Variants in TMED3 observed in about 807,000 individuals in gnomAD.
The protein encoded by TMED3 is transmembrane emp24 domain-containing protein 3.
A neutral mutation model predicts 15.0 loss-of-function variants in TMED3; 9 were observed. That is an observed-to-expected ratio of 0.60 (90% CI 0.36 to 1.04). The LOEUF (loss-of-function observed/expected upper bound fraction) is 1.04, where lower values mean the gene tolerates loss of function less well. Among genes scored for constraint, TMED3 ranks in the 50% least tolerant of loss-of-function variants. TMED3 has a pLI of 0.01. For missense variants in TMED3, 267 were observed against 278.9 expected (o/e 0.96, Z 0.30); for synonymous variants, 117 against 121.4 (o/e 0.96, Z 0.24).
At chr15:79,364,679 G>A (rs1274993107) in intron 2 of TMED3, among the ~76,000 whole-genome samples, 1 of 151,834 alleles carries the variant, frequency 6.6e-6, no homozygotes, top group Non-Finnish European at 1.5e-5. Flanking sequence ...CAGAGAAAGA[G>A]AGAAGAGGAG....
intron 2 of TMED3, among the ~76,000 whole-genome samples, chr15:79,405,686 T>C (rs1359453180): frequency 6.6e-6 from 1 of 152,192 alleles, no homozygotes; most frequent in East Asian, 1.9e-4. Context: ...GCAGTATGTA[T>C]TTTCCTTGGG....
chr15:79,360,367 C>G lies in TMED3; in HGVS notation c.417+46362C>G, dbSNP rs917387492. Among the ~76,000 whole-genome samples, 27 of 152,094 alleles carry G rather than the reference C, an allele frequency of 1.8e-4. 1 individual carries two copies. The highest frequency in any genetic ancestry group is 6.0e-4 in the African/African-American group (25 of 41,414). On this transcript the variant is annotated intron_variant, in intron 2 of 2. Transcript: ENST00000424155. ...TAGACTTGGTCATGCCATCGAGGAACCAGGGGTGTTTAGGTGGGGAAGCAC... is the reference window on the plus strand; with the variant it reads ...TAGACTTGGTCATGCCATCGAGGAAGCAGGGGTGTTTAGGTGGGGAAGCAC...
intron 1 of TMED3, among the ~76,000 whole-genome samples, chr15:79,311,999 A>G (rs144453475): frequency 1.2e-3 from 185 of 152,362 alleles, no homozygotes; most frequent in Non-Finnish European, 2.3e-3. Flanking sequence ...GGCTCTTGCC[A>G]TATGGCTTAG....
At chr15:79,403,082 T>G (rs1893855679) in intron 2 of TMED3, among the ~76,000 whole-genome samples, 1 of 149,148 alleles carries the variant, frequency 6.7e-6, no homozygotes, top group African/African-American at 2.5e-5. Context: ...GTCAGCCAGG[T>G]GTGGTGGTGC....
intron 2 of TMED3, among the ~76,000 whole-genome samples, chr15:79,363,369 T>TA (rs1322195959): frequency 2.0e-5 from 3 of 152,034 alleles, no homozygotes; most frequent in Non-Finnish European, 4.4e-5. Context: ...ATATCAAATA[T>TA]AAAAAATGAC....
At chr15:79,342,621 G>T (rs2058855540) in intron 2 of TMED3, among the ~76,000 whole-genome samples, 1 of 152,108 alleles carries the variant, frequency 6.6e-6, no homozygotes, top group African/African-American at 2.4e-5. Context: ...GGTAAAGCAT[G>T]CACACAAACA....
rs1453259462 is a variant in TMED3 at position 79,311,304 on chromosome 15, C to T, written c.55C>T (p.Arg19Cys). 3.1e-6 allele frequency: 5 copies of T among 1,607,152 alleles called. No homozygotes were observed. The African/African-American group carries it at 5.4e-5, about 17-fold the overall frequency. ...ASVLLLLLLL[R>C]RAEQPCGAEL... ...CGTGCTGCTTCTGCTGCTGCTCCTG[C>T]GCCGGGCCGAGCAGCCCTGCGGGGC... The change falls in exon 1 of 3, where the codon CGC becomes TGC. Residue 19 changes from arginine to cysteine, a missense_variant. By Grantham distance (180) the Arg-to-Cys change is radical. Transcript: ENST00000299705.
At chr15:79,355,122 C>G (rs950666953) in intron 2 of TMED3, among the ~76,000 whole-genome samples, 6 of 152,148 alleles carry the variant, frequency 3.9e-5, no homozygotes, top group Non-Finnish European at 5.9e-5. Flanking sequence ...TATTGAGAAC[C>G]CCAGATGCTT....
intron 2 of TMED3, among the ~76,000 whole-genome samples, chr15:79,375,952 T>C (rs1169405884): frequency 6.6e-6 from 1 of 152,186 alleles, no homozygotes; most frequent in Non-Finnish European, 1.5e-5. Context: ...GGCAAAAATA[T>C]GGCAGCCCTA....
At chr15:79,320,128 A>G (rs1340605014) in intron 2 of TMED3, among the ~76,000 whole-genome samples, 1 of 152,158 alleles carries the variant, frequency 6.6e-6, no homozygotes, top group Non-Finnish European at 1.5e-5. Context: ...CCGCTAGACC[A>G]CAGTCCACTT....
At chr15:79,386,704 A>AATT (rs1893630991) in intron 2 of TMED3, among the ~76,000 whole-genome samples, 3 of 125,182 alleles carry the variant, frequency 2.4e-5, no homozygotes, top group Non-Finnish European at 4.9e-5. Flanking sequence ...ATGCCTGGCT[A>AATT]TTTTTTTTTT....
chr15:79,405,953 T>A (rs1893897693), intron 2 of TMED3, among the ~76,000 whole-genome samples: 1 of 152,220 alleles, frequency 6.6e-6, no homozygotes, highest in African/African-American at 2.4e-5. Flanking sequence ...GCCAGCTCAA[T>A]AGCCACAGTC....
intron 2 of TMED3, among the ~76,000 whole-genome samples, chr15:79,318,077 A>G (rs561804501): frequency 6.6e-6 from 1 of 152,080 alleles, no homozygotes; most frequent in Non-Finnish European, 1.5e-5. Context: ...CAGGCCCTGT[A>G]CAGTTCTTTG....
intron 2 of TMED3, among the ~76,000 whole-genome samples, chr15:79,360,054 C>T (rs1893094015): frequency 6.6e-6 from 1 of 152,190 alleles, no homozygotes; most frequent in African/African-American, 2.4e-5. Flanking sequence ...AATCCAATCT[C>T]AATTGTTAGT....
rs115919839 is a variant in TMED3 at position 79,365,227 on chromosome 15, G to C, written c.418-46173G>C. On this transcript the variant is annotated intron_variant, in intron 2 of 2. Coordinates refer to the TMED3 transcript ENST00000424155. ...AAAAAGACAGGACAGCTCAAAGCAG[G>C]GGCCCACAGGTCATAGGTGAATTCA... 9.7e-3 allele frequency among the ~76,000 whole-genome samples: 1,472 copies of C among 152,302 alleles called. 23 individuals carry two copies. The highest frequency in any genetic ancestry group is 0.033 in the African/African-American group (1,356 of 41,554).
chr15:79,311,287 T>C lies in TMED3; in HGVS notation c.38T>C (p.Leu13Pro). Residue 13 changes from leucine to proline, a missense_variant, in exon 1 of 3, where the codon CTT (leucine) becomes CCT (proline). By Grantham distance (98) the Leu-to-Pro change is moderately conservative. This residue lies in a region of TMED3 where 59 missense variants were observed against 47.0 expected (regional missense o/e 1.26). Coordinates refer to ENST00000299705, the MANE Select transcript of TMED3 (RefSeq NM_007364.4). ...GTCCCGCGCTCCGCCTCCGTGCTGC[T>C]TCTGCTGCTGCTCCTGCGCCGGGCC... ...STVPRSASVL[L>P]LLLLLRRAEQ... 1 of 1,607,076 alleles carries C rather than the reference T, an allele frequency of 6.2e-7. No individual in the cohort carries two copies. Among genetic ancestry groups the C allele is most frequent in the South Asian group, 1.1e-5 (1 of 90,130 alleles).
chr15:79,326,848 A>G (rs1040067301), downstream of TMED3, among the ~76,000 whole-genome samples: 6 of 152,160 alleles, frequency 3.9e-5, no homozygotes, highest in Non-Finnish European at 8.8e-5. Context: ...CGATAAAGGA[A>G]TACCCAAGTC....
At chr15:79,338,231 CA>C in intron 2 of TMED3, among the ~76,000 whole-genome samples, 1 of 151,996 alleles carries the variant, frequency 6.6e-6, no homozygotes, top group East Asian at 1.9e-4. Flanking sequence ...AGGAGATTTC[CA>C]TTTTATCTGT....
At chr15:79,342,399 T>G (rs1269147802) in intron 2 of TMED3, among the ~76,000 whole-genome samples, 2 of 152,186 alleles carry the variant, frequency 1.3e-5, no homozygotes, top group Non-Finnish European at 2.9e-5. Flanking sequence ...GTGTCACAAC[T>G]TTTATATCAA....
Sources: gnomAD v4.1 joint callset for allele counts (sites outside exome capture counted in the v4.1 genomes callset) on GRCh38, gnomAD v4.1.1 for gene constraint, gnomAD v4.1.1 regional missense constraint, MANE v1.5 for transcripts, NCBI Gene and HGNC (gene_info 2026-07-23, HGNC 2026-07-21) for gene names.